INTS6: variants seen among roughly 807,000 people sequenced by gnomAD.
INTS6 encodes the protein integrator complex subunit 6.
Under a neutral mutation model 104.9 loss-of-function variants are expected in INTS6, and 16 were observed. The observed-to-expected ratio is 0.15, with a 90% CI of 0.10 to 0.23. The LOEUF is 0.23. Ranked by LOEUF, INTS6 falls within the 10% of genes least tolerant of loss-of-function variation. The probability of loss-of-function intolerance (pLI) is 1.00; values close to 1 mark genes in which losing one functional copy is unlikely to be tolerated. For synonymous variants in INTS6, 324 were observed against 358.7 expected (o/e 0.90, Z 1.09); for missense variants, 584 against 1,062.8 (o/e 0.55, Z 6.26).
At chr13:51,424,361 T>C (rs151300976) in intron 4 of INTS6, among the ~76,000 whole-genome samples, 10 of 151,998 alleles carry the variant, frequency 6.6e-5, no homozygotes, top group African/African-American at 2.4e-4. Flanking sequence ...GAGTCTTTCT[T>C]ACTACATGAT....
chr13:51,396,610 CA>C (rs760821478), intron 4 of INTS6, among the ~76,000 whole-genome samples: 1 of 151,378 alleles, frequency 6.6e-6, no homozygotes, highest in Non-Finnish European at 1.5e-5. Context: ...GGATTCTTAC[CA>C]AAAAAAAGAG....
intron 7 of INTS6, 85 bp from the exon 8 acceptor site, chr13:51,383,826 T>C (rs1241803763): frequency 1.7e-6 from 2 of 1,147,192 alleles, no homozygotes; most frequent in Non-Finnish European, 2.5e-6. Context: ...ATTTACTCAG[T>C]TCCTCCGTCT....
intron 3 of INTS6, among the ~76,000 whole-genome samples, chr13:51,433,236 G>GACCAGTCTAGGAAAC (rs1369237214): frequency 2.0e-5 from 3 of 152,160 alleles, no homozygotes; most frequent in Non-Finnish European, 2.9e-5. Context: ...TTGATGTCAG[G>GACCAGTCTAGGAAAC]ACTGCGAGAC....
At chr13:51,357,673 C>A (rs151183359), downstream of INTS6, among the ~76,000 whole-genome samples, 31 of 152,112 alleles carry the variant, frequency 2.0e-4, no homozygotes, top group African/African-American at 7.0e-4. Context: ...TAGTTCCCCC[C>A]CAGTCTCCTT....
chr13:51,382,921 A>G (rs1332587300), intron 9 of INTS6, among the ~76,000 whole-genome samples: 3 of 152,194 alleles, frequency 2.0e-5, no homozygotes, highest in Non-Finnish European at 4.4e-5. Context: ...TACTAAAAAT[A>G]AAAAACTTAG....
chr13:51,397,108 A>G (rs1956353892), intron 4 of INTS6, among the ~76,000 whole-genome samples: 1 of 152,174 alleles, frequency 6.6e-6, no homozygotes, highest in South Asian at 2.1e-4. Context: ...TTTTTATACT[A>G]ATTTCTTCAC....
intron 4 of INTS6, 30 bp from the exon 5 acceptor site, chr13:51,395,513 G>C: frequency 6.4e-7 from 1 of 1,574,204 alleles, no homozygotes; most frequent in Non-Finnish European, 8.6e-7. Context: ...ACAGTAATAA[G>C]AATTCCACAG....
rs1239481075 is a variant in INTS6, at chr13:51,365,380, CA to C, written c.*371del. The C allele has an allele frequency of 6.8e-6, 1 of 146,822 alleles. No homozygotes were observed. Among genetic ancestry groups the C allele is most frequent in the Non-Finnish European group, 1.5e-5 (1 of 66,450 alleles). The allele number at this position is 146,822 out of a possible 1,614,324, so 9.1% of individuals were successfully genotyped here. On this transcript the variant is annotated 3_prime_UTR_variant, in exon 18 of 18. Coordinates refer to ENST00000311234, the MANE Select transcript of INTS6 (RefSeq NM_012141.3). ...TATGTGCTTTTTTCCCCAAAAATTA[CA>C]AAGTAACTTCTTTTTTTTTTGGCAA...
chr13:51,335,455 T>A, the INTS6 span, among the ~76,000 whole-genome samples: 67 of 152,288 alleles, frequency 4.4e-4, 1 homozygote, highest in Middle Eastern at 0.01. Flanking sequence ...CGACTTTGCA[T>A]CTATTAAACT....
At chr13:51,413,719 A>G (rs1240874837) in intron 4 of INTS6, among the ~76,000 whole-genome samples, 1 of 152,152 alleles carries the variant, frequency 6.6e-6, no homozygotes, top group Non-Finnish European at 1.5e-5. Flanking sequence ...AAGCCTGAAA[A>G]TGATGATTAA....
chr13:51,354,631 C>G (rs1424589351), intron 3 of INTS6, among the ~76,000 whole-genome samples: 1 of 151,484 alleles, frequency 6.6e-6, no homozygotes, highest in African/African-American at 2.4e-5. Context: ...ATTGGGATAG[C>G]CACTTTTCTC....
At chr13:51,441,355 A>C (rs529713650) in intron 3 of INTS6, 1 of 152,344 alleles carries the variant, frequency 6.6e-6, no homozygotes, top group East Asian at 1.9e-4. Flanking sequence ...TATGTTGTAC[A>C]TTCCTTAATC....
At chr13:51,389,025 T>C (rs1266368729) in intron 6 of INTS6, among the ~76,000 whole-genome samples, 3 of 152,202 alleles carry the variant, frequency 2.0e-5, no homozygotes, top group Non-Finnish European at 2.9e-5. Context: ...TGAGAGGCAA[T>C]TGTATAATAC....
At chr13:51,341,918 C>T in the INTS6 span, among the ~76,000 whole-genome samples, 1 of 152,160 alleles carries the variant, frequency 6.6e-6, no homozygotes, top group Non-Finnish European at 1.5e-5. Flanking sequence ...TTTTGACCAA[C>T]CTGCTTTTAT....
intron 4 of INTS6, among the ~76,000 whole-genome samples, chr13:51,404,207 G>A (rs1366936931): frequency 1.3e-5 from 2 of 151,016 alleles, no homozygotes; most frequent in African/African-American, 4.9e-5. Flanking sequence ...CCAGGAGGTT[G>A]AGATTGCAGT....
the INTS6 span, among the ~76,000 whole-genome samples, chr13:51,335,200 T>C: frequency 6.6e-6 from 1 of 151,912 alleles, no homozygotes; most frequent in African/African-American, 2.4e-5. Flanking sequence ...ACAAAAGACA[T>C]CATGAAGAGA....
intron 3 of INTS6, among the ~76,000 whole-genome samples, chr13:51,435,744 T>C (rs934855298): frequency 1.3e-5 from 2 of 152,110 alleles, no homozygotes; most frequent in African/African-American, 4.8e-5. Flanking sequence ...AATGCTACCT[T>C]ACCCTTAAAC....
intron 13 of INTS6, among the ~76,000 whole-genome samples, chr13:51,375,730 AGTGG>A (rs761695176): frequency 3.2e-4 from 40 of 126,874 alleles, no homozygotes; most frequent in African/African-American, 1.4e-3. Flanking sequence ...CAGTTTGATA[AGTGG>A]GTGTGTGTGT....
intron 7 of INTS6, chr13:51,385,208 T>A (rs1412111992): frequency 6.5e-6 from 1 of 153,530 alleles, no homozygotes; most frequent in African/African-American, 2.4e-5. Flanking sequence ...TCTTCCCTCA[T>A]ACCCCTTCCC....
Sources: gnomAD v4.1 joint callset for allele counts (sites outside exome capture counted in the v4.1 genomes callset) on GRCh38, gnomAD v4.1.1 for gene constraint, MANE v1.5 for transcripts, NCBI Gene and HGNC (gene_info 2026-07-23, HGNC 2026-07-21) for gene names.